PLEKHG5: variants seen among roughly 807,000 people sequenced by gnomAD.
PLEKHG5 encodes pleckstrin homology domain-containing family G member 5.
A neutral mutation model predicts 103.8 loss-of-function variants in PLEKHG5; 52 were observed. The observed-to-expected ratio is 0.50, with a 90% CI of 0.40 to 0.63. The LOEUF is 0.63. PLEKHG5 is among the 30% of genes least tolerant of loss of function. The pLI is 0.00. For synonymous variants in PLEKHG5, 592 were observed against 575.5 expected, an observed-to-expected ratio of 1.03 and a Z score of -0.41; for missense variants, 1,205 against 1,347.6, an observed-to-expected ratio of 0.89 and a Z score of 1.66.
At chr1:6,492,130 C>T (rs1437306261), upstream of PLEKHG5, among the ~76,000 whole-genome samples, 1 of 152,192 alleles carries the variant, frequency 6.6e-6, no homozygotes, top group Admixed American at 6.5e-5. Context: ...TAGGCCCCAC[C>T]GCAGCGGGGG....
intron 1 of PLEKHG5, among the ~76,000 whole-genome samples, chr1:6,489,068 A>C (rs1303624685): frequency 6.6e-6 from 1 of 152,176 alleles, no homozygotes; most frequent in Non-Finnish European, 1.5e-5. Context: ...GGCCAGCTCC[A>C]GGCTCTGCCG....
intron 1 of PLEKHG5, among the ~76,000 whole-genome samples, chr1:6,485,620 C>G (rs1368362109): frequency 6.7e-6 from 1 of 149,510 alleles, no homozygotes; most frequent in South Asian, 2.1e-4. Context: ...CCCGGGCCCT[C>G]GCCACCCAGC....
intron 1 of PLEKHG5, chr1:6,485,286 GCACCCAGCCC>G: frequency 7.7e-7 from 1 of 1,291,952 alleles, no homozygotes; most frequent in African/African-American, 1.6e-5. Flanking sequence ...CGAGAACTGG[GCACCCAGCCC>G]CGTTCCCGCC....
rs543471473 is a variant in PLEKHG5 at position 6,485,438 on chromosome 1, C to A, written c.-88+6199G>T. ...GGCGTCCGGAGACACCGGGTCCTGT[C>A]CCCATGGCGGCCGGAGGAAGCCGCG... is the stretch of plus-strand genomic sequence containing the variant. On this transcript the variant is annotated intron_variant, in intron 1 of 20. Coordinates refer to ENST00000377728, the MANE Select transcript of PLEKHG5 (RefSeq NM_020631.6). The A allele has an allele frequency of 1.2e-4, 151 of 1,278,054 alleles. No individual in the cohort carries two copies. In the Middle Eastern group the frequency reaches 1.8e-3, roughly 15 times the overall value. The allele number at this position is 1,278,054 out of a possible 1,614,324, so 79.2% of individuals were successfully genotyped here. A position where few individuals can be genotyped will look rare whatever the true frequency, so the allele number is the denominator to read the frequency against.
upstream of PLEKHG5, among the ~76,000 whole-genome samples, chr1:6,493,817 G>A (rs553025793): frequency 1.5e-3 from 232 of 152,004 alleles, no homozygotes; most frequent in African/African-American, 5.1e-3. Flanking sequence ...CACCATGTCC[G>A]GCTAATTATT....
chr1:6,519,735 A>G (rs1638721841), exon 1 of PLEKHG5: 2 of 613,404 alleles, frequency 3.3e-6, no homozygotes, highest in Middle Eastern at 4.4e-4. Context: ...TCCCCGTCCA[A>G]CACAGGTCCC....
At chr1:6,474,686 G>T in intron 5 of PLEKHG5, 99 bp from the exon 6 acceptor site, 1 of 959,898 alleles carries the variant, frequency 1.0e-6, no homozygotes, top group Non-Finnish European at 1.4e-6. Flanking sequence ...CACAGCCCCA[G>T]CTGCCCCCAC....
At chr1:6,519,495 G>T (rs932614536) in exon 1 of PLEKHG5, 15 of 1,613,802 alleles carry the variant, frequency 9.3e-6, no homozygotes, top group Non-Finnish European at 1.0e-5. Flanking sequence ...CCCATGTTTT[G>T]TCAGGACTGA....
rs1438277952 is a variant in PLEKHG5 at position 6,490,455 on chromosome 1, G to A, written c.-88+1182C>T. 2.0e-6 allele frequency: 2 copies of A among 981,948 alleles called. No homozygotes were observed. The highest frequency in any genetic ancestry group is 1.2e-6 in the Non-Finnish European group (1 of 829,830). 60.8% of individuals were successfully genotyped at this position (981,948 alleles called of 1,614,324 possible). A position where few individuals can be genotyped will look rare whatever the true frequency, so the allele number is the denominator to read the frequency against. ...TTCCCCGCGACTCACCTAGGAACAGGACCAGGGTCTCCTCCCCGGTGTCTA... is the reference window on the plus strand; with the variant it reads ...TTCCCCGCGACTCACCTAGGAACAGAACCAGGGTCTCCTCCCCGGTGTCTA... On this transcript the variant is annotated intron_variant, in intron 1 of 20. Transcript: ENST00000377728. The surrounding 1 kb of genome is among the most constrained non-coding windows in gnomAD (Gnocchi z 8.0).
At chr1:6,497,047 T>G (rs1295087853), upstream of PLEKHG5, 21 of 1,503,090 alleles carry the variant, frequency 1.4e-5, no homozygotes, top group Non-Finnish European at 1.9e-5. The surrounding 1 kb of genome is among the most constrained non-coding windows in gnomAD (Gnocchi z 6.1). Context: ...ACCCTGAATT[T>G]GGCCCCCTCC....
chr1:6,484,307 G>A (rs542282272), intron 1 of PLEKHG5, among the ~76,000 whole-genome samples: 53 of 152,268 alleles, frequency 3.5e-4, no homozygotes, highest in African/African-American at 1.1e-3. Flanking sequence ...GAGGCTGCTC[G>A]ACTCCTCCAG....
intron 1 of PLEKHG5, among the ~76,000 whole-genome samples, chr1:6,484,433 C>G (rs1644974223): frequency 6.6e-6 from 1 of 152,232 alleles, no homozygotes; most frequent in Admixed American, 6.5e-5. Context: ...AGGATCTGAA[C>G]CAGGTGGTTT....
upstream of PLEKHG5, chr1:6,497,132 G>A (rs373338852): frequency 3.4e-6 from 4 of 1,161,334 alleles, no homozygotes; most frequent in African/African-American, 3.1e-5. The surrounding 1 kb of genome is among the most constrained non-coding windows in gnomAD (Gnocchi z 6.1). Flanking sequence ...GAGGCGGGGG[G>A]AGGGAGGAGA....
In PLEKHG5 at chr1:6,510,709, C is replaced by A. The variant is rs190977236; in HGVS notation, c.-165+8736G>T. Among the ~76,000 whole-genome samples the A allele has an allele frequency of 3.7e-4, 56 of 152,352 alleles. 1 individual carries two copies. In the East Asian group the frequency reaches 9.5e-3, roughly 26 times the overall value. ...GGTGGGGCGGAGGCCAACCCACCAGCCAGCAAGCAGTGGGCCCAGTGTCAG... is the reference window on the plus strand; with the variant it reads ...GGTGGGGCGGAGGCCAACCCACCAGACAGCAAGCAGTGGGCCCAGTGTCAG... On this transcript the variant is annotated intron_variant, in intron 1 of 21. Transcript: ENST00000377740.
chr1:6,474,876 A>G, intron 5 of PLEKHG5, 171 bp downstream of exon 5: 1 of 727,238 alleles, frequency 1.4e-6, no homozygotes, highest in Admixed American at 1.8e-5. Flanking sequence ...ACCCCACCGC[A>G]CTCCCTCACA....
chr1:6,512,486 G>C (rs1378456726), intron 1 of PLEKHG5, among the ~76,000 whole-genome samples: 1 of 152,188 alleles, frequency 6.6e-6, no homozygotes. Context: ...GCCAGACAGT[G>C]GGGCCCTCAG....
At chr1:6,510,996 G>A (rs187862932) in intron 1 of PLEKHG5, among the ~76,000 whole-genome samples, 2 of 152,248 alleles carry the variant, frequency 1.3e-5, no homozygotes, top group Non-Finnish European at 2.9e-5. Flanking sequence ...GGCTGAGGCA[G>A]GAGAGTCGCT....
intron 1 of PLEKHG5, among the ~76,000 whole-genome samples, chr1:6,481,949 C>T (rs1644913684): frequency 6.6e-6 from 1 of 151,638 alleles, no homozygotes; most frequent in Admixed American, 6.6e-5. Flanking sequence ...GTTAAGGCCA[C>T]CCCATTCAGG....
intron 1 of PLEKHG5, among the ~76,000 whole-genome samples, chr1:6,504,528 G>A (rs923369201): frequency 4.6e-5 from 7 of 151,456 alleles, no homozygotes; most frequent in Non-Finnish European, 7.4e-5. Flanking sequence ...ACCCGGCATC[G>A]TCCTCTCTCC....
Sources: allele counts gnomAD v4.1 joint callset (sites outside exome capture counted in the v4.1 genomes callset), GRCh38; gene constraint gnomAD v4.1.1; non-coding constraint Gnocchi (gnomAD v3.1); transcripts MANE v1.5; gene names NCBI Gene and HGNC (gene_info 2026-07-23, HGNC 2026-07-21).